Variants in TSHR observed in about 807,000 individuals in gnomAD.
The protein encoded by TSHR is thyroid stimulating hormone receptor.
Under a neutral mutation model 64.1 loss-of-function variants are expected in TSHR, and 51 were observed. The observed-to-expected ratio is 0.80, with a 90% confidence interval of 0.64 to 1.01. The LOEUF (loss-of-function observed/expected upper bound fraction) is 1.01. TSHR is among the 50% of genes least tolerant of loss of function. The pLI is 0.00. For missense variants in TSHR, 877 were observed against 942.8 expected, an observed-to-expected ratio of 0.93 and a Z score of 0.91; for synonymous variants, 361 against 361.9, an observed-to-expected ratio of 1.00 and a Z score of 0.03.
intron 1 of TSHR, chr14:81,012,892 GC>G (rs1307453543): frequency 3.9e-5 from 6 of 152,070 alleles, no homozygotes; most frequent in African/African-American, 1.4e-4. Context: ...TTTGTAGGTT[GC>G]CTGTTCACTC....
At position 80,982,387 on chromosome 14, in the gene TSHR, G is replaced by T. The variant is rs1465097088; in HGVS notation, c.170+26537G>T. ...TGGAGAAGAGGCTGGTAATCATTCC[G>T]GTGCTAAGAATGATAAACCTGAAAT... On this transcript the variant is annotated intron_variant, in intron 1 of 9. Coordinates refer to ENST00000298171, the MANE Select transcript of TSHR (RefSeq NM_000369.5). 3 of 1,258,542 alleles carry T rather than the reference G, an allele frequency of 2.4e-6. No homozygotes were observed. The African/African-American group carries it at 4.5e-5, about 19-fold the overall frequency. The allele number at this position is 1,258,542 out of a possible 1,614,324, so 78.0% of individuals were successfully genotyped here.
intron 8 of TSHR, among the ~76,000 whole-genome samples, chr14:81,136,903 T>C (rs1426848042): frequency 3.3e-5 from 5 of 152,198 alleles, no homozygotes; most frequent in Non-Finnish European, 5.9e-5. Flanking sequence ...TTACTGCACC[T>C]GGATCTGTGT....
At chr14:81,127,011 T>C (rs1403773073) in intron 8 of TSHR, among the ~76,000 whole-genome samples, 2 of 152,348 alleles carry the variant, frequency 1.3e-5, no homozygotes, top group East Asian at 1.9e-4. Context: ...GCAAAAGCCA[T>C]GTATACTATG....
intron 1 of TSHR, chr14:81,013,301 G>A (rs1037845109): frequency 6.6e-6 from 1 of 152,258 alleles, no homozygotes; most frequent in South Asian, 2.1e-4. Context: ...ATTGATCTAT[G>A]TCTCTGTTTT....
chr14:81,010,981 ATT>A (rs1002634323), intron 1 of TSHR, among the ~76,000 whole-genome samples: 3 of 152,050 alleles, frequency 2.0e-5, no homozygotes, highest in Admixed American at 6.6e-5. Flanking sequence ...TCATGTTCTC[ATT>A]TTCATAGCTA....
At chr14:81,104,649 A>C in intron 7 of TSHR, 1 of 985,398 alleles carries the variant, frequency 1.0e-6, no homozygotes, top group Non-Finnish European at 1.2e-6. Context: ...GTACATAAAC[A>C]CACATATAGT....
At chr14:81,060,518 A>G (rs1443603248) in intron 1 of TSHR, among the ~76,000 whole-genome samples, 1 of 152,138 alleles carries the variant, frequency 6.6e-6, no homozygotes, top group Non-Finnish European at 1.5e-5. Flanking sequence ...TACTCTTTTG[A>G]CATTCACATC....
At chr14:81,057,134 G>T (rs1441337635) in intron 1 of TSHR, among the ~76,000 whole-genome samples, 1 of 152,160 alleles carries the variant, frequency 6.6e-6, no homozygotes, top group East Asian at 1.9e-4. Context: ...TTCTTGGCTG[G>T]GTGCAGTGGC....
chr14:80,959,764 A>G (rs1886917612), intron 1 of TSHR, among the ~76,000 whole-genome samples: 1 of 152,174 alleles, frequency 6.6e-6, no homozygotes, highest in Non-Finnish European at 1.5e-5. Flanking sequence ...TGCATTCTGC[A>G]TCTGTGGCTC....
chr14:81,141,130 T>C (rs1017363474), intron 9 of TSHR, among the ~76,000 whole-genome samples: 2 of 151,826 alleles, frequency 1.3e-5, no homozygotes, highest in Non-Finnish European at 2.9e-5. Context: ...TGAGATTCCA[T>C]CACACACAGG....
chr14:81,036,380 T>A (rs982441563), intron 1 of TSHR, among the ~76,000 whole-genome samples: 1 of 152,084 alleles, frequency 6.6e-6, no homozygotes, highest in Non-Finnish European at 1.5e-5. Flanking sequence ...CACTAGACTA[T>A]CAGCAGATTT....
intron 8 of TSHR, among the ~76,000 whole-genome samples, chr14:81,128,551 A>C (rs1044827889): frequency 1.3e-5 from 2 of 152,166 alleles, no homozygotes; most frequent in African/African-American, 2.4e-5. Context: ...TTTTAAAGAG[A>C]CAAAGTCCTC....
intron 1 of TSHR, among the ~76,000 whole-genome samples, chr14:80,963,103 C>G (rs1887119033): frequency 6.6e-6 from 1 of 152,164 alleles, no homozygotes; most frequent in South Asian, 2.1e-4. Context: ...CAAGACCAAT[C>G]TATTAGATAT....
At chr14:81,092,457 A>G in intron 5 of TSHR, 74 bp from the exon 6 acceptor site, 2 of 1,289,988 alleles carry the variant, frequency 1.6e-6, no homozygotes, top group South Asian at 1.2e-5. Context: ...ATTTAAGTGC[A>G]TATGCGCAGC....
chr14:81,096,038 T>C (rs1889155195), intron 6 of TSHR, among the ~76,000 whole-genome samples: 1 of 130,684 alleles, frequency 7.7e-6, no homozygotes, highest in Non-Finnish European at 1.5e-5. Flanking sequence ...AGAGACCCTG[T>C]CTCAAAAAAA....
At chr14:81,017,829 CTTT>C (rs58604814) in intron 1 of TSHR, among the ~76,000 whole-genome samples, 8 of 137,054 alleles carry the variant, frequency 5.8e-5, no homozygotes, top group East Asian at 2.1e-4. Flanking sequence ...ATTGTATAAT[CTTT>C]TTTTTTTTTT....
At chr14:81,142,895 C>A in intron 9 of TSHR, 45 bp from the exon 10 acceptor site, 1 of 1,566,152 alleles carries the variant, frequency 6.4e-7, no homozygotes, top group Non-Finnish European at 8.8e-7. Flanking sequence ...CAGTCATGAG[C>A]CACTGCGCCC....
intron 1 of TSHR, among the ~76,000 whole-genome samples, chr14:81,006,017 A>C (rs1594943175): frequency 6.6e-6 from 1 of 152,326 alleles, no homozygotes; most frequent in African/African-American, 2.4e-5. Context: ...TGACTTGCCC[A>C]CACAGTAAAA....
chr14:81,073,730 G>A (rs559191651), intron 3 of TSHR, among the ~76,000 whole-genome samples: 4 of 152,048 alleles, frequency 2.6e-5, no homozygotes, highest in African/African-American at 4.8e-5. Context: ...AGAAAAGAAG[G>A]TTAAAAATAA....
Sources: allele counts gnomAD v4.1 joint callset (sites outside exome capture counted in the v4.1 genomes callset), GRCh38; gene constraint gnomAD v4.1.1; transcripts MANE v1.5; gene names NCBI Gene and HGNC (gene_info 2026-07-23, HGNC 2026-07-21).